The following IMMP2L variants were observed in gnomAD, a reference collection of about 807,000 sequenced individuals.
IMMP2L encodes the protein inner mitochondrial membrane peptidase subunit 2, also known as mitochondrial inner membrane protease subunit 2.
In IMMP2L, 18 loss-of-function variants were observed where a neutral mutation model predicts 19.3. That is an observed-to-expected ratio of 0.93 (90% confidence interval 0.64 to 1.38). The LOEUF (loss-of-function observed/expected upper bound fraction) is 1.38. IMMP2L is among the 40% of genes most tolerant of loss of function. The pLI is 0.00. For missense variants in IMMP2L, 233 were observed against 218.2 expected (o/e 1.07, Z -0.43); for synonymous variants, 76 against 73.0 (o/e 1.04, Z -0.21).
At chr7:111,300,012 C>T (rs1304614580) in intron 3 of IMMP2L, among the ~76,000 whole-genome samples, 6 of 152,106 alleles carry the variant, frequency 3.9e-5, no homozygotes, top group Non-Finnish European at 8.8e-5. Context: ...TACAGTAAAA[C>T]TTATTTTGAA....
At chr7:110,806,844 C>A (rs975809451) in intron 5 of IMMP2L, among the ~76,000 whole-genome samples, 1 of 151,804 alleles carries the variant, frequency 6.6e-6, no homozygotes, top group Non-Finnish European at 1.5e-5. Context: ...TCAGAAAGTA[C>A]AAAGGACTCT....
chr7:110,911,836 T>C (rs1161436193), intron 4 of IMMP2L, among the ~76,000 whole-genome samples: 1 of 152,154 alleles, frequency 6.6e-6, no homozygotes, highest in East Asian at 1.9e-4. Context: ...CAAGATTTCC[T>C]GGAAAATTCA....
At chr7:111,045,384 A>G (rs1792299638) in intron 3 of IMMP2L, among the ~76,000 whole-genome samples, 1 of 152,206 alleles carries the variant, frequency 6.6e-6, no homozygotes, top group Non-Finnish European at 1.5e-5. Context: ...TTCTTCCAAA[A>G]GCCTCTTATC....
intron 3 of IMMP2L, among the ~76,000 whole-genome samples, chr7:111,416,661 C>G (rs2131563521): frequency 6.6e-6 from 1 of 151,754 alleles, no homozygotes; most frequent in South Asian, 2.1e-4. Context: ...TTCTAATAAT[C>G]ATATTTTTAA....
intron 2 of IMMP2L, among the ~76,000 whole-genome samples, chr7:111,494,414 A>G (rs1843403683): frequency 6.6e-6 from 1 of 152,064 alleles, no homozygotes; most frequent in Non-Finnish European, 1.5e-5. Context: ...GAGCTTGGAA[A>G]CAACAACAAG....
intron 3 of IMMP2L, among the ~76,000 whole-genome samples, chr7:111,306,461 A>G (rs565029829): frequency 2.0e-5 from 3 of 152,274 alleles, no homozygotes; most frequent in East Asian, 1.9e-4. Flanking sequence ...CTGTGAAACT[A>G]AAACTTCTCT....
chr7:111,202,926 C>T (rs1430590659), intron 3 of IMMP2L, among the ~76,000 whole-genome samples: 1 of 152,010 alleles, frequency 6.6e-6, no homozygotes, highest in African/African-American at 2.4e-5. Context: ...TATTGAGAGA[C>T]CAAGTTTAAT....
chr7:110,874,111 G>T (rs1359533494), intron 5 of IMMP2L, among the ~76,000 whole-genome samples: 1 of 152,000 alleles, frequency 6.6e-6, no homozygotes, highest in South Asian at 2.1e-4. Flanking sequence ...GATGTTTTTG[G>T]CTGGCTTTTA....
At chr7:110,774,608 T>C (rs528324374) in intron 5 of IMMP2L, among the ~76,000 whole-genome samples, 1 of 152,186 alleles carries the variant, frequency 6.6e-6, no homozygotes, top group Non-Finnish European at 1.5e-5. Context: ...TCATTGATTA[T>C]AATACCATAT....
At chr7:110,848,767 A>C (rs1227464397) in intron 5 of IMMP2L, among the ~76,000 whole-genome samples, 1 of 152,182 alleles carries the variant, frequency 6.6e-6, no homozygotes, top group Non-Finnish European at 1.5e-5. Flanking sequence ...GACATGTAGG[A>C]AACTTATATG....
At chr7:111,095,843 T>G (rs1265956137) in intron 3 of IMMP2L, among the ~76,000 whole-genome samples, 1 of 151,926 alleles carries the variant, frequency 6.6e-6, no homozygotes, top group Non-Finnish European at 1.5e-5. Context: ...CTTATACATC[T>G]CACTGGAAAA....
chr7:111,049,900 G>C (rs77321984), intron 3 of IMMP2L, among the ~76,000 whole-genome samples: 151 of 152,326 alleles, frequency 9.9e-4, no homozygotes, highest in African/African-American at 3.5e-3. Context: ...AGGGAAGTGT[G>C]AGAAATGAAA....
intron 3 of IMMP2L, among the ~76,000 whole-genome samples, chr7:111,476,893 T>G (rs1012706383): frequency 6.6e-6 from 1 of 152,188 alleles, no homozygotes; most frequent in African/African-American, 2.4e-5. Context: ...TGGACCTACA[T>G]GGATAATCCA....
chr7:110,794,467 G>A (rs946892603), intron 5 of IMMP2L, among the ~76,000 whole-genome samples: 1 of 152,036 alleles, frequency 6.6e-6, no homozygotes, highest in African/African-American at 2.4e-5. Flanking sequence ...AGACAGTTTT[G>A]TTTTAGTGCC....
intron 3 of IMMP2L, among the ~76,000 whole-genome samples, chr7:111,434,116 G>C (rs1452449107): frequency 6.6e-6 from 1 of 151,694 alleles, no homozygotes; most frequent in Non-Finnish European, 1.5e-5. Flanking sequence ...GTATAGAATA[G>C]AGAACCCAGA....
rs139442202 is a variant in IMMP2L, at chr7:110,792,548, CAGAAAACACAG to C, written c.408+94034_408+94044del. Reference sequence around the variant, plus strand: ...GCTTTGGGTTCTCAGTAGAATTGGACAGAAAACACAGAGAATTCTCATATACTTCGATCTCC... The same window carrying C: ...GCTTTGGGTTCTCAGTAGAATTGGACAGAATTCTCATATACTTCGATCTCC... On this transcript the variant is annotated intron_variant, in intron 5 of 5. Coordinates refer to ENST00000405709, the MANE Select transcript of IMMP2L (RefSeq NM_032549.4). Among the ~76,000 whole-genome samples, 1,352 of 152,110 alleles carry C rather than the reference CAGAAAACACAG, an allele frequency of 8.9e-3. 21 individuals are homozygous for C. Among genetic ancestry groups the C allele is most frequent in the African/African-American group, 0.031 (1,298 of 41,468 alleles).
intron 3 of IMMP2L, among the ~76,000 whole-genome samples, chr7:111,324,149 A>G (rs2130551451): frequency 6.6e-6 from 1 of 152,184 alleles, no homozygotes; most frequent in Non-Finnish European, 1.5e-5. Flanking sequence ...AATAAAATAA[A>G]AAAAGCTGGT....
chr7:110,959,299 A>C (rs534697555), intron 4 of IMMP2L, among the ~76,000 whole-genome samples: 1 of 152,110 alleles, frequency 6.6e-6, no homozygotes, highest in Admixed American at 6.6e-5. Flanking sequence ...TGAAAAATCC[A>C]CAGCACAGAC....
chr7:111,452,385 T>C (rs973562944), intron 3 of IMMP2L, among the ~76,000 whole-genome samples: 9 of 152,128 alleles, frequency 5.9e-5, no homozygotes, highest in Admixed American at 4.6e-4. Flanking sequence ...AAGCAAACCA[T>C]AGTTACACAA....
Sources: gnomAD v4.1 joint callset for allele counts (sites outside exome capture counted in the v4.1 genomes callset) on GRCh38, gnomAD v4.1.1 for gene constraint, MANE v1.5 for transcripts, NCBI Gene and HGNC (gene_info 2026-07-23, HGNC 2026-07-21) for gene names.